The following MTMR3 variants were observed in gnomAD, a reference collection of about 807,000 sequenced individuals.
MTMR3 encodes the protein myotubularin related protein 3, also known as phosphatidylinositol-3,5-bisphosphate 3-phosphatase MTMR3.
In MTMR3, 32 loss-of-function variants were observed where a neutral mutation model predicts 132.4. That is an observed-to-expected ratio of 0.24 (90% CI 0.18 to 0.32). The LOEUF (loss-of-function observed/expected upper bound fraction) is 0.32. Ranked by LOEUF, MTMR3 falls within the 10% of genes least tolerant of loss-of-function variation. MTMR3 has a pLI of 1.00. For missense variants in MTMR3, 1,216 were observed against 1,489.6 expected (o/e 0.82, Z 3.02); for synonymous variants, 556 against 550.3 (o/e 1.01, Z -0.14).
intron 3 of MTMR3, among the ~76,000 whole-genome samples, chr22:29,975,817 G>T (rs1309546439): frequency 1.3e-5 from 2 of 152,252 alleles, no homozygotes; most frequent in East Asian, 1.9e-4. Flanking sequence ...TGTTGCCCAG[G>T]CTGGGCTTGA....
intron 1 of MTMR3, among the ~76,000 whole-genome samples, chr22:29,890,992 C>G (rs1405301752): frequency 6.7e-6 from 1 of 150,320 alleles, no homozygotes; most frequent in African/African-American, 2.5e-5. Context: ...AGCCGCTGTA[C>G]TCTAGCCTGG....
At chr22:29,991,960 T>A (rs1203255399) in intron 7 of MTMR3, 1 of 245,554 alleles carries the variant, frequency 4.1e-6, no homozygotes, top group Admixed American at 5.5e-5. Flanking sequence ...GCCATGAGTT[T>A]TGTATACATG....
At chr22:29,931,312 T>C (rs2065639041) in intron 1 of MTMR3, among the ~76,000 whole-genome samples, 1 of 152,244 alleles carries the variant, frequency 6.6e-6, no homozygotes, top group Non-Finnish European at 1.5e-5. Context: ...TTAATCATTA[T>C]ATACAATGAC....
intron 1 of MTMR3, among the ~76,000 whole-genome samples, chr22:29,893,301 G>A (rs922125896): frequency 6.6e-6 from 1 of 152,008 alleles, no homozygotes; most frequent in Non-Finnish European, 1.5e-5. Context: ...TACTTTCATG[G>A]TGACAAAAAA....
In MTMR3 at chr22:29,920,659, A is replaced by G. The variant is rs192529863; in HGVS notation, c.-137-36377A>G. Among the ~76,000 whole-genome samples the G allele has an allele frequency of 4.5e-3, 679 of 151,448 alleles. 6 individuals carry two copies. The highest frequency in any genetic ancestry group is 0.016 in the African/African-American group (641 of 41,282). On this transcript the variant is annotated intron_variant, in intron 1 of 19. Transcript: ENST00000401950. Reference sequence around the variant, plus strand: ...ATGACAAGACCAGTGTTGTAGAACTATTATGGATAAAGCTTTTTTTTTAAC... The same window carrying G: ...ATGACAAGACCAGTGTTGTAGAACTGTTATGGATAAAGCTTTTTTTTTAAC...
At chr22:29,949,186 CAT>C (rs1456003917) in intron 1 of MTMR3, among the ~76,000 whole-genome samples, 6 of 134,106 alleles carry the variant, frequency 4.5e-5, no homozygotes, top group African/African-American at 1.6e-4. Flanking sequence ...AACACACACA[CAT>C]GCGTGCGCGT....
intron 1 of MTMR3, among the ~76,000 whole-genome samples, chr22:29,945,772 CA>C (rs1489206150): frequency 6.6e-6 from 1 of 150,480 alleles, no homozygotes; most frequent in East Asian, 1.9e-4. Context: ...GGGCCTTGTC[CA>C]GATGGATAAA....
At chr22:29,933,588 TG>T (rs2065687579) in intron 1 of MTMR3, among the ~76,000 whole-genome samples, 1 of 152,196 alleles carries the variant, frequency 6.6e-6, no homozygotes, top group African/African-American at 2.4e-5. Context: ...TGTATTTCAC[TG>T]GGTGGTTGTC....
chr22:29,883,621 G>T (rs2064599450), intron 1 of MTMR3, among the ~76,000 whole-genome samples: 1 of 152,148 alleles, frequency 6.6e-6, no homozygotes, highest in African/African-American at 2.4e-5. Flanking sequence ...GGGAGGCGGG[G>T]TCCCGGGCTC....
rs954149982 is a variant in MTMR3 at position 29,986,659 on chromosome 22, C to CT, written c.211-1817dup. 22 of 875,606 alleles carry CT rather than the reference C, an allele frequency of 2.5e-5. No homozygotes were observed. The Admixed American group carries it at 1.2e-3, about 46-fold the overall frequency. 54.2% of individuals were successfully genotyped at this position (875,606 alleles called of 1,614,324 possible). A position where few individuals can be genotyped will look rare whatever the true frequency, so the allele number is the denominator to read the frequency against. ...AACACAGGCAAGATTTTTCTTTTTT[C>CT]TTTTCTTTTTTTTTTGTTTTTGAGA... is the stretch of plus-strand genomic sequence containing the variant. On this transcript the variant is annotated intron_variant, in intron 5 of 19. Transcript: ENST00000401950.
At position 29,911,585 on chromosome 22, in the gene MTMR3, G is replaced by GTT. The variant is rs11418984; in HGVS notation, c.-138+28238_-138+28239dup. Among the ~76,000 whole-genome samples, 262 of 145,144 alleles carry GTT rather than the reference G, an allele frequency of 1.8e-3. 1 individual carries two copies. The highest frequency in any genetic ancestry group is 8.7e-3 in the East Asian group (44 of 5,036). Reference sequence around the variant, plus strand: ...TTTTGTGTAAAATAGCTTGATTTGGGTTTTTTTTTTTTTACTTACAACTGA... The same window carrying GTT: ...TTTTGTGTAAAATAGCTTGATTTGGGTTTTTTTTTTTTTTTACTTACAACTGA... On this transcript the variant is annotated intron_variant, in intron 1 of 19. Coordinates refer to ENST00000401950, the MANE Select transcript of MTMR3 (RefSeq NM_021090.4).
chr22:29,953,818 G>A (rs1415127214), intron 1 of MTMR3, among the ~76,000 whole-genome samples: 1 of 152,016 alleles, frequency 6.6e-6, no homozygotes, highest in Non-Finnish European at 1.5e-5. Flanking sequence ...TTGTCTGTTC[G>A]TTAGTGCTTA....
At chr22:29,887,147 T>G (rs1447455652) in intron 1 of MTMR3, among the ~76,000 whole-genome samples, 1 of 152,174 alleles carries the variant, frequency 6.6e-6, no homozygotes, top group African/African-American at 2.4e-5. Flanking sequence ...ACAATATACC[T>G]TTTAAGTTCA....
At chr22:29,955,099 C>G (rs1410160049) in intron 1 of MTMR3, among the ~76,000 whole-genome samples, 1 of 152,128 alleles carries the variant, frequency 6.6e-6, no homozygotes, top group African/African-American at 2.4e-5. Context: ...AAGCCATCCT[C>G]CCATCTCAGC....
At position 29,898,002 on chromosome 22, in the gene MTMR3, A is replaced by G. The variant is rs147148377; in HGVS notation, c.-138+14643A>G. On this transcript the variant is annotated intron_variant, in intron 1 of 19. Coordinates refer to ENST00000401950, the MANE Select transcript of MTMR3 (RefSeq NM_021090.4). ...TATTATTATTATTTTTTGAAACACA[A>G]TCTTGCTCTGTCACCCAGGCTGTAG... Among the ~76,000 whole-genome samples, 684 of 151,886 alleles carry G rather than the reference A, an allele frequency of 4.5e-3. 6 individuals carry two copies. The highest frequency in any genetic ancestry group is 0.016 in the African/African-American group (644 of 41,418).
intron 1 of MTMR3, among the ~76,000 whole-genome samples, chr22:29,910,795 C>T (rs1454061242): frequency 1.3e-5 from 2 of 151,082 alleles, no homozygotes; most frequent in Non-Finnish European, 2.9e-5. Context: ...CAACTCTCCA[C>T]GGAAATCTTT....
intron 1 of MTMR3, among the ~76,000 whole-genome samples, chr22:29,944,367 A>T (rs36605): frequency 0.78 from 118,806 of 151,852 alleles, 46,891 homozygotes; most frequent in East Asian, 0.91. Flanking sequence ...TTTTACTTCT[A>T]TCTGACTTAC....
chr22:29,885,058 A>G (rs1190134756), intron 1 of MTMR3, among the ~76,000 whole-genome samples: 2 of 152,168 alleles, frequency 1.3e-5, no homozygotes, highest in Non-Finnish European at 2.9e-5. Context: ...GACCAGCCAT[A>G]AAAAACCCTG....
chr22:29,888,637 T>C (rs1186370285), intron 1 of MTMR3, among the ~76,000 whole-genome samples: 1 of 152,146 alleles, frequency 6.6e-6, no homozygotes, highest in Non-Finnish European at 1.5e-5. Context: ...ATGGAGTACT[T>C]TAACCACAGA....
Sources: allele counts gnomAD v4.1 joint callset (sites outside exome capture counted in the v4.1 genomes callset), GRCh38; gene constraint gnomAD v4.1.1; transcripts MANE v1.5; gene names NCBI Gene and HGNC (gene_info 2026-07-23, HGNC 2026-07-21).